ELFN1: variants seen among roughly 807,000 people sequenced by gnomAD.
The protein encoded by ELFN1 is protein ELFN1.
Under a neutral mutation model 7.6 loss-of-function variants are expected in ELFN1, and 6 were observed. The observed-to-expected ratio is 0.79, with a 90% confidence interval of 0.43 to 1.56. The LOEUF (loss-of-function observed/expected upper bound fraction) is 1.56, where lower values mean the gene tolerates loss of function less well. Among genes scored for constraint, ELFN1 ranks in the 40% most tolerant of loss-of-function variants. The pLI, the probability that ELFN1 is intolerant of heterozygous loss-of-function variation, is 0.01. For synonymous variants in ELFN1, 657 were observed against 588.1 expected (o/e 1.12, Z -1.70); for missense variants, 1,169 against 1,232.2 (o/e 0.95, Z 0.77).
At chr7:1,732,713 G>A (rs1455455611) in intron 3 of ELFN1, among the ~76,000 whole-genome samples, 1 of 152,026 alleles carries the variant, frequency 6.6e-6, no homozygotes, top group African/African-American at 2.4e-5. Flanking sequence ...AGGCCATGTC[G>A]GTGGGGAGAA....
chr7:1,710,713 C>T (rs1327975837), intron 3 of ELFN1, among the ~76,000 whole-genome samples: 1 of 152,238 alleles, frequency 6.6e-6, no homozygotes, highest in Non-Finnish European at 1.5e-5. Flanking sequence ...TCTTTCCTTC[C>T]CACAAAGGCT....
At chr7:1,737,265 C>T (rs759692892) in intron 3 of ELFN1, among the ~76,000 whole-genome samples, 2 of 152,198 alleles carry the variant, frequency 1.3e-5, no homozygotes, top group South Asian at 2.1e-4. Flanking sequence ...GCAGGCCCCA[C>T]GGTGGTCTGT....
At chr7:1,732,272 G>T (rs115466231) in intron 3 of ELFN1, among the ~76,000 whole-genome samples, 12 of 152,312 alleles carry the variant, frequency 7.9e-5, no homozygotes, top group African/African-American at 2.9e-4. Flanking sequence ...GAAACAGCAT[G>T]TCAGCAAAAA....
At position 1,686,933 on chromosome 7, in the gene ELFN1, C is replaced by G. The variant is rs956540028; in HGVS notation, c.-548-1125C>G. On this transcript the variant is annotated intron_variant, in intron 1 of 3. Transcript: ENST00000424383. Reference sequence around the variant, plus strand: ...CCCCAGTCAGGATCACAGCTTAAGCCTGGTAGAACCACTGGCTTTCCCCAT... The same window carrying G: ...CCCCAGTCAGGATCACAGCTTAAGCGTGGTAGAACCACTGGCTTTCCCCAT... 3.3e-5 allele frequency among the ~76,000 whole-genome samples: 5 copies of G among 152,224 alleles called. No individual in the cohort carries two copies. In the East Asian group the frequency reaches 5.8e-4, roughly 18 times the overall value.
rs566025656 is a variant in ELFN1, at chr7:1,745,998, G to A, written c.1402G>A (p.Glu468Lys). The A allele has an allele frequency of 8.4e-6, 13 of 1,544,212 alleles. No homozygotes were observed. Among genetic ancestry groups the A allele is most frequent in the Non-Finnish European group, 1.1e-5 (13 of 1,142,918 alleles). ...AAGSLKKTIIELKYGPELEAP... is the reference protein window; with the variant it reads ...AAGSLKKTIIKLKYGPELEAP... ...TGGCAGCCTCAAGAAGACCATCATC[G>A]AGCTCAAGTACGGGCCAGAGCTGGA... The change falls in exon 4 of 4, where the codon GAG becomes AAG. Residue 468 changes from glutamate to lysine, a missense_variant. By Grantham distance (56) the Glu-to-Lys change is moderately conservative (BLOSUM62 1). Coordinates refer to ENST00000424383, the MANE Select transcript of ELFN1 (RefSeq NM_001128636.4).
At chr7:1,724,402 A>G (rs983839619) in intron 3 of ELFN1, among the ~76,000 whole-genome samples, 13 of 151,964 alleles carry the variant, frequency 8.6e-5, no homozygotes, top group Admixed American at 2.6e-4. Flanking sequence ...CTGTTCCCTG[A>G]GGTGCCGTGC....
intron 3 of ELFN1, among the ~76,000 whole-genome samples, chr7:1,733,438 G>A (rs1780365204): frequency 6.6e-6 from 1 of 152,158 alleles, no homozygotes; most frequent in African/African-American, 2.4e-5. Context: ...GAGGAGCCCT[G>A]GGCGGTAGGA....
chr7:1,680,737 A>ATTTTTTTT (rs967183963), intron 1 of ELFN1, among the ~76,000 whole-genome samples: 2 of 128,922 alleles, frequency 1.6e-5, no homozygotes, highest in Admixed American at 7.7e-5. Context: ...TGGATTTACA[A>ATTTTTTTT]TTTTTTTTTT....
intron 1 of ELFN1, among the ~76,000 whole-genome samples, chr7:1,687,281 G>T (rs1215749472): frequency 2.0e-5 from 3 of 151,908 alleles, no homozygotes; most frequent in East Asian, 1.9e-4. Context: ...TAGCTTTATA[G>T]TTGTTTTTTG....
chr7:1,702,794 C>G (rs1002803230), intron 2 of ELFN1, among the ~76,000 whole-genome samples: 3 of 151,284 alleles, frequency 2.0e-5, no homozygotes, highest in African/African-American at 7.4e-5. Flanking sequence ...CTTTCTGAAT[C>G]TTATAATTTT....
chr7:1,708,502 G>T (rs1000900268), intron 2 of ELFN1, among the ~76,000 whole-genome samples: 3 of 152,214 alleles, frequency 2.0e-5, no homozygotes, highest in African/African-American at 7.2e-5. Flanking sequence ...GATTGGCCTG[G>T]CCTGGCATTT....
chr7:1,736,618 G>C (rs1325072939), intron 3 of ELFN1, among the ~76,000 whole-genome samples: 1 of 152,224 alleles, frequency 6.6e-6, no homozygotes, highest in Non-Finnish European at 1.5e-5. Context: ...CTCTGCAGGG[G>C]GCAGTGTGTG....
chr7:1,688,730 A>G (rs1192448231), intron 2 of ELFN1, among the ~76,000 whole-genome samples: 2 of 152,198 alleles, frequency 1.3e-5, no homozygotes, highest in East Asian at 3.8e-4. Flanking sequence ...GCAACATCTT[A>G]CAAAACTATA....
chr7:1,704,213 G>T (rs1196297163), intron 2 of ELFN1, among the ~76,000 whole-genome samples: 2 of 152,132 alleles, frequency 1.3e-5, no homozygotes, highest in African/African-American at 4.8e-5. Context: ...CTGGGTGGGG[G>T]ACCCTGCCAG....
chr7:1,746,026 C>G lies in ELFN1; in HGVS notation c.1430C>G (p.Ala477Gly), dbSNP rs148947783. The G allele has an allele frequency of 1.5e-5, 23 of 1,543,870 alleles. No homozygotes were observed. The highest frequency in any genetic ancestry group is 1.9e-5 in the Non-Finnish European group (22 of 1,142,996). The change falls in exon 4 of 4, where the codon GCG (alanine) becomes GGG (glycine). Residue 477 changes from alanine (A) to glycine (G), a missense_variant. Physicochemically the swap from Ala to Gly is moderately conservative, Grantham distance 60. Transcript: ENST00000424383. ...IELKYGPELEAPGLAPLSQGP... is the reference protein window; with the variant it reads ...IELKYGPELEGPGLAPLSQGP... ...CTCAAGTACGGGCCAGAGCTGGAGG[C>G]GCCCGGCCTGGCCCCGCTGTCCCAG...
chr7:1,676,170 C>T (rs1476910278), intron 1 of ELFN1, among the ~76,000 whole-genome samples: 1 of 152,180 alleles, frequency 6.6e-6, no homozygotes, highest in Non-Finnish European at 1.5e-5. Flanking sequence ...GTAGTGGCTC[C>T]AGGGCACCCT....
At chr7:1,696,476 C>T (rs376239927) in intron 2 of ELFN1, among the ~76,000 whole-genome samples, 2 of 151,532 alleles carry the variant, frequency 1.3e-5, no homozygotes, top group African/African-American at 2.4e-5. Context: ...ACTGCAGCCT[C>T]CACCTCCTGG....
Position 1,744,285 on chromosome 7 carries a change from CTT to C in ELFN1, c.-293-18_-293-17del, listed in dbSNP as rs1163343215. The C allele has an allele frequency of 3.4e-6, 1 of 290,232 alleles. No homozygotes were observed. Among genetic ancestry groups the C allele is most frequent in the Non-Finnish European group, 6.0e-6 (1 of 166,084 alleles). The allele number at this position is 290,232 out of a possible 1,614,324, so 18.0% of individuals were successfully genotyped here. On this transcript the variant is annotated splice_polypyrimidine_tract_variant and intron_variant, in intron 3 of 3. Transcript: ENST00000424383. ...TTCTCTCTTGTCCCCTGACCGCTGT[CTT>C]CTCTCTTGTCTTGCAGCAGGAACGT...
intron 3 of ELFN1, among the ~76,000 whole-genome samples, chr7:1,712,300 T>G (rs1269026448): frequency 6.6e-6 from 1 of 151,950 alleles, no homozygotes; most frequent in Non-Finnish European, 1.5e-5. Flanking sequence ...TTTTGTATTT[T>G]TAGTAGAGAC....
Sources: gnomAD v4.1 joint callset for allele counts (sites outside exome capture counted in the v4.1 genomes callset) on GRCh38, gnomAD v4.1.1 for gene constraint, MANE v1.5 for transcripts, NCBI Gene and HGNC (gene_info 2026-07-23, HGNC 2026-07-21) for gene names.